Variants in TMEM178B observed in about 807,000 individuals in gnomAD.
TMEM178B encodes transmembrane protein 178B.
TMEM178B carries 5 observed loss-of-function variants against 31.0 expected under a neutral mutation model. That is an observed-to-expected ratio of 0.16 (90% CI 0.08 to 0.34). The LOEUF is 0.34. TMEM178B is among the 10% of genes least tolerant of loss of function. TMEM178B has a pLI of 1.00. For synonymous variants in TMEM178B, 164 were observed against 164.0 expected (o/e 1.00, Z 0.00); for missense variants, 275 against 400.3 (o/e 0.69, Z 2.67).
At chr7:141,120,294 TC>T (rs1795388916) in intron 1 of TMEM178B, among the ~76,000 whole-genome samples, 1 of 152,218 alleles carries the variant, frequency 6.6e-6, no homozygotes, top group Non-Finnish European at 1.5e-5. Flanking sequence ...AGAAAATATA[TC>T]TGTTTGTGAA....
chr7:141,372,102 C>T (rs1378568781), intron 2 of TMEM178B, among the ~76,000 whole-genome samples: 2 of 152,138 alleles, frequency 1.3e-5, no homozygotes, highest in Non-Finnish European at 1.5e-5. Context: ...TGCTCTACTT[C>T]GTTTCCCTCT....
At chr7:141,488,965 G>A in the TMEM178B span, among the ~76,000 whole-genome samples, 1 of 151,982 alleles carries the variant, frequency 6.6e-6, no homozygotes, top group Admixed American at 6.6e-5. Context: ...AGAGAAGGAG[G>A]AGGGAGGAGG....
intron 2 of TMEM178B, among the ~76,000 whole-genome samples, chr7:141,244,815 GGAA>G (rs1384507149): frequency 2.6e-5 from 4 of 152,018 alleles, no homozygotes; most frequent in African/African-American, 7.2e-5. Context: ...GCCCTCGGGG[GGAA>G]GAAGAACTCA....
At chr7:141,292,113 C>G (rs1798557026) in intron 2 of TMEM178B, among the ~76,000 whole-genome samples, 1 of 152,104 alleles carries the variant, frequency 6.6e-6, no homozygotes, top group Non-Finnish European at 1.5e-5. Context: ...ACCTCCTGCC[C>G]CATGACTGCA....
At chr7:141,391,010 C>A (rs10239170) in intron 2 of TMEM178B, among the ~76,000 whole-genome samples, 2 of 151,934 alleles carry the variant, frequency 1.3e-5, no homozygotes, top group African/African-American at 4.8e-5. Flanking sequence ...AAAGTGAATG[C>A]GATTTGACAG....
At chr7:141,222,587 G>A (rs938922536) in intron 2 of TMEM178B, among the ~76,000 whole-genome samples, 4 of 152,216 alleles carry the variant, frequency 2.6e-5, no homozygotes, top group Non-Finnish European at 4.4e-5. Context: ...TTATTGGAAG[G>A]CAGGGGTCCC....
the TMEM178B span, among the ~76,000 whole-genome samples, chr7:141,492,425 C>T: frequency 6.6e-6 from 1 of 152,174 alleles, no homozygotes; most frequent in Non-Finnish European, 1.5e-5. Flanking sequence ...CAGCCTTTCC[C>T]ACTAAAAACT....
intron 2 of TMEM178B, among the ~76,000 whole-genome samples, chr7:141,254,772 G>A (rs1377234425): frequency 3.3e-5 from 5 of 152,142 alleles, no homozygotes; most frequent in Admixed American, 2.6e-4. Flanking sequence ...GAATTCAAAA[G>A]GGGTGATTTT....
chr7:141,089,232 A>G (rs1289793454), intron 1 of TMEM178B, among the ~76,000 whole-genome samples: 1 of 152,186 alleles, frequency 6.6e-6, no homozygotes, highest in Admixed American at 6.5e-5. Context: ...TTTGGGGATG[A>G]GGGGACATCC....
chr7:141,466,315 C>T (rs1480158243), intron 3 of TMEM178B, among the ~76,000 whole-genome samples: 2 of 152,192 alleles, frequency 1.3e-5, no homozygotes, highest in Non-Finnish European at 2.9e-5. Flanking sequence ...TCTATTAGTA[C>T]AGCAGAACAG....
intron 1 of TMEM178B, among the ~76,000 whole-genome samples, chr7:141,109,945 G>GCT (rs963214570): frequency 4.0e-5 from 6 of 150,822 alleles, no homozygotes; most frequent in South Asian, 2.1e-4. Flanking sequence ...TGTCTCTGTC[G>GCT]CTCTCTCTCT....
chr7:141,483,723 A>G (rs988922944), downstream of TMEM178B, among the ~76,000 whole-genome samples: 1 of 149,528 alleles, frequency 6.7e-6, no homozygotes, highest in Non-Finnish European at 1.5e-5. Flanking sequence ...AGCAGATTCT[A>G]TATCTTGCCC....
At chr7:141,090,949 G>A (rs959258656) in intron 1 of TMEM178B, among the ~76,000 whole-genome samples, 1 of 152,280 alleles carries the variant, frequency 6.6e-6, no homozygotes, top group African/African-American at 2.4e-5. Context: ...ATATCTGAAG[G>A]GCACAGCCCA....
intron 2 of TMEM178B, among the ~76,000 whole-genome samples, chr7:141,432,878 GA>G (rs1801462477): frequency 6.6e-6 from 1 of 152,164 alleles, no homozygotes; most frequent in Non-Finnish European, 1.5e-5. Flanking sequence ...AGAGGGGTCT[GA>G]GGGGCGGATT....
At chr7:141,436,598 G>C (rs1801546107) in intron 2 of TMEM178B, among the ~76,000 whole-genome samples, 2 of 152,052 alleles carry the variant, frequency 1.3e-5, no homozygotes, top group African/African-American at 4.8e-5. Flanking sequence ...CTCTAGAGAA[G>C]GGGTGATGGA....
chr7:141,468,943 C>T (rs923744144), intron 3 of TMEM178B, among the ~76,000 whole-genome samples: 5 of 152,136 alleles, frequency 3.3e-5, no homozygotes, highest in African/African-American at 1.2e-4. Flanking sequence ...AGAAGCTGGC[C>T]ACCCCATCCT....
At chr7:141,260,615 G>A (rs78916633) in intron 2 of TMEM178B, among the ~76,000 whole-genome samples, 2,057 of 152,250 alleles carry the variant, frequency 0.014, 31 homozygotes, top group South Asian at 0.055. Flanking sequence ...ATGCAGCACA[G>A]GGCAACCCAG....
chr7:141,211,887 T>A (rs79548314), intron 1 of TMEM178B, among the ~76,000 whole-genome samples: 2 of 152,184 alleles, frequency 1.3e-5, no homozygotes, highest in Non-Finnish European at 2.9e-5. Context: ...GTTGCACTTG[T>A]AGCAAGTTCC....
At chr7:141,203,630 T>C (rs971088575) in intron 1 of TMEM178B, among the ~76,000 whole-genome samples, 9 of 152,228 alleles carry the variant, frequency 5.9e-5, no homozygotes, top group Admixed American at 4.6e-4. Flanking sequence ...CTGAAACTGC[T>C]GCACTCACAC....
Sources: allele counts gnomAD v4.1 joint callset (sites outside exome capture counted in the v4.1 genomes callset), GRCh38; gene constraint gnomAD v4.1.1; transcripts MANE v1.5; gene names NCBI Gene and HGNC (gene_info 2026-07-23, HGNC 2026-07-21).